POU2F1: variants seen among roughly 807,000 people sequenced by gnomAD.
POU2F1 encodes POU domain, class 2, transcription factor 1.
In POU2F1, 16 loss-of-function variants were observed where a neutral mutation model predicts 84.9. The ratio of observed to expected loss-of-function variants is 0.19; its 90% CI spans 0.13 to 0.29. The LOEUF (loss-of-function observed/expected upper bound fraction) is 0.29. Ranked by LOEUF, POU2F1 falls within the 10% of genes least tolerant of loss-of-function variation. The pLI, the probability that POU2F1 is intolerant of heterozygous loss-of-function variation, is 1.00. For missense variants in POU2F1, 738 were observed against 942.6 expected, an observed-to-expected ratio of 0.78 and a Z score of 2.84; for synonymous variants, 368 against 368.3, an observed-to-expected ratio of 1.00 and a Z score of 0.01.
chr1:167,322,284 A>G (rs1656367507), intron 1 of POU2F1, among the ~76,000 whole-genome samples: 2 of 152,302 alleles, frequency 1.3e-5, no homozygotes, highest in South Asian at 4.1e-4. Context: ...GCTATGCTAT[A>G]TGCTCTCCTG....
rs143998037 is a variant in POU2F1 at position 167,294,793 on chromosome 1, A to G, written c.62-37677A>G. 8.2e-4 allele frequency among the ~76,000 whole-genome samples: 125 copies of G among 152,258 alleles called. 1 individual carries two copies. Among genetic ancestry groups the G allele is most frequent in the African/African-American group, 2.9e-3 (119 of 41,536 alleles). The stretch of plus-strand genomic sequence containing the variant: ...CTTATACACTGCTGGTGGTAATGTA[A>G]ATTAGTACAAGCTCTATGAAAAGTA... On this transcript the variant is annotated intron_variant, in intron 1 of 15. Transcript: ENST00000367866.
chr1:167,247,172 C>T (rs1650391690), intron 1 of POU2F1, among the ~76,000 whole-genome samples: 1 of 151,764 alleles, frequency 6.6e-6, no homozygotes, highest in Non-Finnish European at 1.5e-5. Flanking sequence ...ACCTTCTGGG[C>T]TTAAGTGATG....
intron 15 of POU2F1, among the ~76,000 whole-genome samples, chr1:167,414,878 C>T (rs1027745592): frequency 1.3e-5 from 2 of 152,142 alleles, no homozygotes; most frequent in Non-Finnish European, 2.9e-5. Context: ...TCTTGTATAT[C>T]ATAATATAAA....
At chr1:167,334,829 T>C (rs1256626514) in intron 2 of POU2F1, among the ~76,000 whole-genome samples, 1 of 152,248 alleles carries the variant, frequency 6.6e-6, no homozygotes, top group Non-Finnish European at 1.5e-5. Context: ...TATTCTTTTT[T>C]TGGTAGTTTA....
intron 7 of POU2F1, chr1:167,376,552 G>A (rs1267826802): frequency 6.5e-6 from 1 of 154,820 alleles, no homozygotes; most frequent in African/African-American, 2.4e-5. Context: ...TTTAATTTAA[G>A]GAGGGAAGAC....
rs528732369 is a variant in POU2F1, at chr1:167,268,366, T to A, written c.61+47408T>A. Reference sequence around the variant, plus strand: ...AGAACTAATTTTTTCAAATTAATTCTCTTTGAAGTCTTTCATTTTCCTTTC... The same window carrying A: ...AGAACTAATTTTTTCAAATTAATTCACTTTGAAGTCTTTCATTTTCCTTTC... On this transcript the variant is annotated intron_variant, in intron 1 of 15. Transcript: ENST00000367866. Among the ~76,000 whole-genome samples the A allele has an allele frequency of 1.7e-3, 257 of 152,304 alleles. 1 individual carries two copies. Among genetic ancestry groups the A allele is most frequent in the African/African-American group, 5.9e-3 (246 of 41,550 alleles).
intron 1 of POU2F1, among the ~76,000 whole-genome samples, chr1:167,237,565 G>T (rs1050188518): frequency 1.3e-5 from 2 of 151,820 alleles, no homozygotes; most frequent in Non-Finnish European, 2.9e-5. Context: ...GACTTACATG[G>T]TAAGCTTGAC....
At chr1:167,291,664 A>T (rs1403617085) in intron 1 of POU2F1, among the ~76,000 whole-genome samples, 1 of 152,168 alleles carries the variant, frequency 6.6e-6, no homozygotes, top group Non-Finnish European at 1.5e-5. Flanking sequence ...CACATTTTTT[A>T]AGGTTTTAAT....
chr1:167,240,710 G>A (rs1649835562), intron 1 of POU2F1, among the ~76,000 whole-genome samples: 1 of 151,918 alleles, frequency 6.6e-6, no homozygotes, highest in Admixed American at 6.6e-5. Context: ...TATGCCTTTG[G>A]TGTCCCAATG....
intron 11 of POU2F1, among the ~76,000 whole-genome samples, chr1:167,398,645 T>G (rs140628235): frequency 5.8e-4 from 88 of 152,304 alleles, no homozygotes; most frequent in Middle Eastern, 3.4e-3. Context: ...TTGGCAATTA[T>G]TTTTTTGTAC....
intron 1 of POU2F1, among the ~76,000 whole-genome samples, chr1:167,317,970 C>T (rs148416245): frequency 1.9e-3 from 292 of 152,282 alleles, no homozygotes; most frequent in African/African-American, 6.0e-3. Context: ...ATTAAAAGCA[C>T]GATCATCATT....
chr1:167,228,524 A>G (rs10800294), intron 1 of POU2F1, among the ~76,000 whole-genome samples: 139,029 of 152,250 alleles, frequency 0.91, 64,320 homozygotes, highest in East Asian at 1. Flanking sequence ...AGAAATTCTT[A>G]CCTGGCCTTT....
chr1:167,327,109 A>G (rs1445520780), intron 1 of POU2F1, among the ~76,000 whole-genome samples: 1 of 149,314 alleles, frequency 6.7e-6, no homozygotes, highest in Non-Finnish European at 1.5e-5. Flanking sequence ...GTTCTCTTCT[A>G]TAATGTATTC....
chr1:167,280,309 C>CTTGAT (rs1227642766), intron 1 of POU2F1, among the ~76,000 whole-genome samples: 83 of 147,004 alleles, frequency 5.6e-4, no homozygotes, highest in Middle Eastern at 3.7e-3. Flanking sequence ...GGTGTTTGAG[C>CTTGAT]TTGATTTTTT....
chr1:167,250,625 T>C (rs550412827), intron 1 of POU2F1, among the ~76,000 whole-genome samples: 1 of 152,348 alleles, frequency 6.6e-6, no homozygotes, highest in Non-Finnish European at 1.5e-5. Context: ...GTTGGTTTTC[T>C]TTAAACTTTG....
At chr1:167,373,730 A>G (rs898730088) in intron 5 of POU2F1, among the ~76,000 whole-genome samples, 1 of 152,108 alleles carries the variant, frequency 6.6e-6, no homozygotes, top group African/African-American at 2.4e-5. Flanking sequence ...TTCCTTGGTT[A>G]TATCCAGCAT....
chr1:167,229,994 C>T (rs1404693396), intron 1 of POU2F1, among the ~76,000 whole-genome samples: 1 of 152,148 alleles, frequency 6.6e-6, no homozygotes, highest in Non-Finnish European at 1.5e-5. Flanking sequence ...AAGGAAGTTC[C>T]CTTATTGTCC....
chr1:167,406,263 G>A (rs1649568105), intron 13 of POU2F1, among the ~76,000 whole-genome samples: 1 of 152,106 alleles, frequency 6.6e-6, no homozygotes, highest in Non-Finnish European at 1.5e-5. Flanking sequence ...TATAATAGTA[G>A]AAGAAAGGAC....
chr1:167,315,610 TA>T (rs893336198), intron 1 of POU2F1, among the ~76,000 whole-genome samples: 8 of 151,752 alleles, frequency 5.3e-5, no homozygotes, highest in African/African-American at 1.9e-4. Flanking sequence ...GACTTGTCTC[TA>T]AAAAAAATTG....
Sources: allele counts gnomAD v4.1 joint callset (sites outside exome capture counted in the v4.1 genomes callset), GRCh38; gene constraint gnomAD v4.1.1; transcripts MANE v1.5; gene names NCBI Gene and HGNC (gene_info 2026-07-23, HGNC 2026-07-21).